SPATA31H1: variants seen among roughly 807,000 people sequenced by gnomAD.
SPATA31H1 encodes the protein spermatogenesis-associated protein 31H1.
At chr2:27,551,624 A>C in the SPATA31H1 span, among the ~76,000 whole-genome samples, 1 of 151,846 alleles carries the variant, frequency 6.6e-6, no homozygotes, top group South Asian at 2.1e-4. Flanking sequence ...CAGGCTAGAA[A>C]CTCAGGCAAG....
At chr2:27,578,185 A>C in the SPATA31H1 span, 1 of 1,614,188 alleles carries the variant, frequency 6.2e-7, no homozygotes, top group Non-Finnish European at 8.5e-7. Context: ...CAAATGGTAG[A>C]ATATATTGAG....
chr2:27,582,053 G>A, the SPATA31H1 span: 1 of 1,614,114 alleles, frequency 6.2e-7, no homozygotes, highest in South Asian at 1.1e-5. Context: ...GTCCCTCTGA[G>A]AGGAGATCTC....
the SPATA31H1 span, among the ~76,000 whole-genome samples, chr2:27,562,042 T>C: frequency 1.3e-5 from 2 of 152,200 alleles, no homozygotes; most frequent in East Asian, 3.8e-4. Context: ...CATTGATTTA[T>C]GGGACTCCCT....
chr2:27,542,849 A>G, the SPATA31H1 span, among the ~76,000 whole-genome samples: 2 of 151,890 alleles, frequency 1.3e-5, no homozygotes, highest in South Asian at 4.2e-4. Flanking sequence ...GTAATCCCAG[A>G]ACTTTGGGAG....
chr2:27,550,446 T>C, the SPATA31H1 span, among the ~76,000 whole-genome samples: 1 of 133,720 alleles, frequency 7.5e-6, no homozygotes, highest in Non-Finnish European at 1.5e-5. Flanking sequence ...TGAGACAGAG[T>C]CTCACTCTAT....
the SPATA31H1 span, among the ~76,000 whole-genome samples, chr2:27,547,661 T>C: frequency 6.6e-6 from 1 of 152,094 alleles, no homozygotes; most frequent in African/African-American, 2.4e-5. Flanking sequence ...TCTATGAGTG[T>C]GTTCATGTCT....
the SPATA31H1 span, among the ~76,000 whole-genome samples, chr2:27,550,194 A>G: frequency 1.3e-5 from 2 of 149,236 alleles, no homozygotes; most frequent in Admixed American, 1.3e-4. Flanking sequence ...TTCCTCTACA[A>G]TGTTCAATAG....
At chr2:27,566,792 C>T in the SPATA31H1 span, 1 of 717,142 alleles carries the variant, frequency 1.4e-6, no homozygotes. Flanking sequence ...CTTCCTCTAC[C>T]ACCTCTGTTC....
the SPATA31H1 span, chr2:27,575,573 G>A: frequency 2.5e-6 from 1 of 398,356 alleles, no homozygotes; most frequent in African/African-American, 2.1e-5. This position sits in a 1 kb window ranked among gnomAD's most constrained non-coding sequence, Gnocchi z 4.1. Flanking sequence ...CTGGGCCTGA[G>A]CTTCAAGGTA....
At chr2:27,573,707 C>T in the SPATA31H1 span, 4 of 398,380 alleles carry the variant, frequency 1.0e-5, no homozygotes, top group South Asian at 1.3e-4. Context: ...CACAGCTGCA[C>T]AAAGTGAAAC....
At chr2:27,574,484 C>T in the SPATA31H1 span, 1 of 398,444 alleles carries the variant, frequency 2.5e-6, no homozygotes, top group East Asian at 3.6e-5. Flanking sequence ...CTGATCTGAT[C>T]ATGGGTATAA....
the SPATA31H1 span, chr2:27,573,243 T>G: frequency 2.5e-6 from 1 of 398,014 alleles, no homozygotes; most frequent in South Asian, 1.3e-4. Flanking sequence ...AGGACCACAG[T>G]TGCAGAAAGG....
chr2:27,576,937 T>C, the SPATA31H1 span: 1 of 1,614,060 alleles, frequency 6.2e-7, no homozygotes, highest in Non-Finnish European at 8.5e-7. Context: ...TCTGAACTAA[T>C]CCCTAGACCA....
the SPATA31H1 span, among the ~76,000 whole-genome samples, chr2:27,540,277 C>T: frequency 8.0e-6 from 1 of 125,776 alleles, no homozygotes; most frequent in Non-Finnish European, 1.7e-5. Context: ...GGCTGACCCC[C>T]ACCACCTCCC....
At chr2:27,580,842 CAGG>C in the SPATA31H1 span, 21 of 1,613,992 alleles carry the variant, frequency 1.3e-5, no homozygotes, top group Non-Finnish European at 1.7e-5. Flanking sequence ...AACCATTAAG[CAGG>C]AGGACATATT....
At chr2:27,564,626 G>T in the SPATA31H1 span, among the ~76,000 whole-genome samples, 1 of 151,836 alleles carries the variant, frequency 6.6e-6, no homozygotes, top group Non-Finnish European at 1.5e-5. Context: ...AGACCAGCCT[G>T]GCCAATGTGG....
chr2:27,581,095 C>T, the SPATA31H1 span: 1 of 1,614,228 alleles, frequency 6.2e-7, no homozygotes, highest in Non-Finnish European at 8.5e-7. Context: ...ACACCAGGAA[C>T]CAGAGTTCAG....
At chr2:27,572,167 C>A in the SPATA31H1 span, 1 of 398,480 alleles carries the variant, frequency 2.5e-6, no homozygotes, top group Non-Finnish European at 4.4e-6. Flanking sequence ...GATGTAAAAG[C>A]TAAAGAGTTC....
the SPATA31H1 span, chr2:27,567,958 T>C: frequency 0.012 from 4,723 of 398,978 alleles, 38 homozygotes; most frequent in Non-Finnish European, 0.015. Flanking sequence ...ATGGAAACCA[T>C]GGAAACAGTG....
Sources: gnomAD v4.1 joint callset for allele counts (sites outside exome capture counted in the v4.1 genomes callset) on GRCh38, gnomAD v4.1.1 for gene constraint, Gnocchi (gnomAD v3.1) non-coding constraint, MANE v1.5 for transcripts, NCBI Gene and HGNC (gene_info 2026-07-23, HGNC 2026-07-21) for gene names.